The following FRMPD4 variants were observed in gnomAD, a reference collection of about 807,000 sequenced individuals.
The protein encoded by FRMPD4 is FERM and PDZ domain containing 4.
In FRMPD4, 22 loss-of-function variants were observed where a neutral mutation model predicts 94.1. That is an observed-to-expected ratio of 0.23 (90% CI 0.17 to 0.33). FRMPD4 has a LOEUF of 0.33. FRMPD4 is among the 10% of genes least tolerant of loss of function. The probability of loss-of-function intolerance (pLI) is 1.00; values close to 1 mark genes in which losing one functional copy is unlikely to be tolerated. For missense variants in FRMPD4, 1,111 were observed against 1,339.9 expected (o/e 0.83, Z 2.67); for synonymous variants, 631 against 548.6 (o/e 1.15, Z -2.10).
At chrX:12,447,001 C>T (rs2057205126) in intron 1 of FRMPD4, among the ~76,000 whole-genome samples, 1 of 111,440 alleles carries the variant, frequency 9.0e-6, no homozygotes, top group African/African-American at 3.3e-5. Flanking sequence ...GCCCATAGCT[C>T]TCCAGTGGAG....
chrX:12,084,307 G>T (rs1425122677), intron 3 of FRMPD4, among the ~76,000 whole-genome samples: 1 of 110,103 alleles, frequency 9.1e-6, no homozygotes, highest in East Asian at 2.9e-4. Context: ...TTTTTCTCTT[G>T]CTGCCACCAT....
intron 1 of FRMPD4, among the ~76,000 whole-genome samples, chrX:12,454,507 T>C (rs757566559): frequency 4.5e-5 from 5 of 110,649 alleles, no homozygotes; most frequent in African/African-American, 9.9e-5. Context: ...GCCGAGAATA[T>C]TGAATGTCAA....
At chrX:12,463,095 AG>A (rs1159377697) in intron 1 of FRMPD4, among the ~76,000 whole-genome samples, 1 of 112,344 alleles carries the variant, frequency 8.9e-6, no homozygotes, top group Non-Finnish European at 1.9e-5. Context: ...GAGGATGGGT[AG>A]GGTCAAACCC....
At chrX:12,180,794 C>T (rs1418384487) in intron 1 of FRMPD4, among the ~76,000 whole-genome samples, 2 of 112,092 alleles carry the variant, frequency 1.8e-5, no homozygotes, top group Non-Finnish European at 3.8e-5. Flanking sequence ...GGAATGAAAA[C>T]GGGTGTGTGT....
In FRMPD4 at chrX:12,528,487, A is replaced by G. The variant is rs745348579; in HGVS notation, c.158+29691A>G. On this transcript the variant is annotated intron_variant, in intron 2 of 16. Coordinates refer to ENST00000675598, the MANE Select transcript of FRMPD4 (RefSeq NM_001368397.1). ...TGGCACCCACCACCACGCCCAGCTAATTTTTGTATTTTTAGTAGAGACAGG... is the reference window on the plus strand; with the variant it reads ...TGGCACCCACCACCACGCCCAGCTAGTTTTTGTATTTTTAGTAGAGACAGG... Among the ~76,000 whole-genome samples, 22 of 108,577 alleles carry G rather than the reference A, an allele frequency of 2.0e-4. No homozygotes were observed. The East Asian group carries it at 5.8e-3, about 29-fold the overall frequency. 94.3% of individuals were successfully genotyped at this position (108,577 alleles called of 115,157 possible).
At chrX:12,707,446 T>C in intron 12 of FRMPD4, 23 bp from the exon 13 acceptor site, 1 of 1,148,952 alleles carries the variant, frequency 8.7e-7, no homozygotes, top group East Asian at 3.0e-5. Flanking sequence ...AGTATTTTTA[T>C]GTTGTCAACT....
At chrX:12,095,801 A>G (rs2055195085) in intron 3 of FRMPD4, among the ~76,000 whole-genome samples, 1 of 112,308 alleles carries the variant, frequency 8.9e-6, no homozygotes. Flanking sequence ...CTAATTCTTC[A>G]TGCACATGAC....
chrX:12,016,535 G>C (rs1482102433), intron 3 of FRMPD4, among the ~76,000 whole-genome samples: 1 of 111,760 alleles, frequency 8.9e-6, no homozygotes, highest in Non-Finnish European at 1.9e-5. Context: ...CTATGTTATA[G>C]AATATTTAGT....
At chrX:12,489,037 T>C (rs182162794) in intron 1 of FRMPD4, among the ~76,000 whole-genome samples, 2 of 111,940 alleles carry the variant, frequency 1.8e-5, no homozygotes, top group African/African-American at 6.5e-5. Flanking sequence ...ACAAAGAGCT[T>C]ATGACTCATG....
intron 1 of FRMPD4, among the ~76,000 whole-genome samples, chrX:11,856,132 A>C (rs1180943953): frequency 9.0e-6 from 1 of 111,354 alleles, no homozygotes; most frequent in Non-Finnish European, 1.9e-5. Context: ...AAACCATCAG[A>C]TCTCATGAGA....
At chrX:11,860,594 C>T (rs997262385) in intron 1 of FRMPD4, among the ~76,000 whole-genome samples, 1 of 112,242 alleles carries the variant, frequency 8.9e-6, no homozygotes, top group African/African-American at 3.2e-5. Context: ...TGGGTGTCAG[C>T]TCCCCACAGG....
chrX:12,017,947 G>A (rs977268282), intron 3 of FRMPD4, among the ~76,000 whole-genome samples: 3 of 111,893 alleles, frequency 2.7e-5, no homozygotes, highest in Non-Finnish European at 5.6e-5. Flanking sequence ...GAGTGACATT[G>A]TCCTAGTCTT....
At chrX:12,064,391 CA>C (rs2054905758) in intron 3 of FRMPD4, among the ~76,000 whole-genome samples, 1 of 111,642 alleles carries the variant, frequency 9.0e-6, no homozygotes, top group Non-Finnish European at 1.9e-5. Context: ...ATATCCCTGG[CA>C]CAGATTTGAA....
intron 1 of FRMPD4, among the ~76,000 whole-genome samples, chrX:12,447,325 T>C (rs1213879311): frequency 9.0e-6 from 1 of 110,953 alleles, no homozygotes; most frequent in Non-Finnish European, 1.9e-5. Flanking sequence ...TAAGCACTGC[T>C]TTTCACCCCC....
intron 1 of FRMPD4, among the ~76,000 whole-genome samples, chrX:12,326,111 G>A (rs761872732): frequency 8.9e-6 from 1 of 112,188 alleles, no homozygotes; most frequent in East Asian, 2.8e-4. Context: ...TCTACATGAG[G>A]GAATGGGTGG....
intron 3 of FRMPD4, among the ~76,000 whole-genome samples, chrX:12,084,053 A>C (rs2055083669): frequency 9.1e-6 from 1 of 110,046 alleles, no homozygotes; most frequent in Non-Finnish European, 1.9e-5. Context: ...TTGCTTTTGA[A>C]ATGTAAGGAC....
chrX:11,995,908 G>A (rs1420635329), intron 3 of FRMPD4, among the ~76,000 whole-genome samples: 1 of 112,173 alleles, frequency 8.9e-6, no homozygotes, highest in Non-Finnish European at 1.9e-5. Context: ...GCGTTAGGAC[G>A]TGGCTGAAAT....
intron 1 of FRMPD4, among the ~76,000 whole-genome samples, chrX:12,415,091 A>C (rs921132962): frequency 9.0e-6 from 1 of 110,595 alleles, no homozygotes; most frequent in African/African-American, 3.3e-5. Flanking sequence ...TGTTGAGGGA[A>C]TTGCATTTGG....
chrX:12,710,297 G>C (rs1190517461), intron 13 of FRMPD4, 102 bp from the exon 14 acceptor site: 2 of 695,246 alleles, frequency 2.9e-6, no homozygotes, highest in Non-Finnish European at 4.3e-6. Flanking sequence ...TGAAATGTTT[G>C]TTCAATAACT....
Sources: allele counts gnomAD v4.1 joint callset (sites outside exome capture counted in the v4.1 genomes callset), GRCh38; gene constraint gnomAD v4.1.1; transcripts MANE v1.5; gene names NCBI Gene and HGNC (gene_info 2026-07-23, HGNC 2026-07-21).